IQCH: variants seen among roughly 807,000 people sequenced by gnomAD.
The protein encoded by IQCH is IQ motif containing H.
Under a neutral mutation model 117.0 loss-of-function variants are expected in IQCH, and 98 were observed. The observed-to-expected ratio is 0.84, with a 90% CI of 0.71 to 0.99. The LOEUF (loss-of-function observed/expected upper bound fraction) is 0.99. Ranked by LOEUF, IQCH falls within the 50% of genes least tolerant of loss-of-function variation. IQCH has a pLI of 0.00. For missense variants in IQCH, 1,102 were observed against 1,243.8 expected (o/e 0.89, Z 1.72); for synonymous variants, 412 against 448.2 (o/e 0.92, Z 1.02).
In IQCH at chr15:67,411,757, C is replaced by T. The variant is rs1159104609; in HGVS notation, c.2098-5174C>T. On this transcript the variant is annotated intron_variant, in intron 14 of 20. Transcript: ENST00000335894. This position sits in a 1 kb window ranked among gnomAD's most constrained non-coding sequence, Gnocchi z 4.4. Reference sequence around the variant, plus strand: ...TGAGTGCAGTATTAAGCTTTAGTCACTAGCTTTAGTCATTGAGTGCAATGG... The same window carrying T: ...TGAGTGCAGTATTAAGCTTTAGTCATTAGCTTTAGTCATTGAGTGCAATGG... 6.6e-6 allele frequency among the ~76,000 whole-genome samples: 1 copy of T among 152,192 alleles called. No individual in the cohort carries two copies. Among genetic ancestry groups the T allele is most frequent in the Non-Finnish European group, 1.5e-5 (1 of 68,034 alleles).
intron 4 of IQCH, chr15:67,281,565 G>C (rs889384321): frequency 2.6e-6 from 1 of 380,102 alleles, no homozygotes; most frequent in Middle Eastern, 9.5e-4. Context: ...CCTTCAGAGA[G>C]AATAGATGGC....
chr15:67,383,216 T>C (rs1007223470), intron 10 of IQCH, among the ~76,000 whole-genome samples: 1 of 152,224 alleles, frequency 6.6e-6, no homozygotes, highest in African/African-American at 2.4e-5. Flanking sequence ...TTCATGTCTG[T>C]AACTGCATGT....
In IQCH at chr15:67,359,681, G is replaced by A. The variant is rs1463103449; in HGVS notation, c.715-166G>A. ...CAAACAGAGCATCGTTGTCAGTGTG[G>A]GAAAGGTCTTTCTAATTATTAGCTC... On this transcript the variant is annotated intron_variant, in intron 7 of 20. Transcript: ENST00000335894. The surrounding 1 kb of genome is among the most constrained non-coding windows in gnomAD (Gnocchi z 4.5). 6.6e-6 allele frequency among the ~76,000 whole-genome samples: 1 copy of A among 152,214 alleles called. No homozygotes were observed. Among genetic ancestry groups the A allele is most frequent in the Admixed American group, 6.5e-5 (1 of 15,284 alleles).
chr15:67,414,165 A>G (rs2081517290), intron 14 of IQCH, among the ~76,000 whole-genome samples: 1 of 152,172 alleles, frequency 6.6e-6, no homozygotes, highest in East Asian at 1.9e-4. Context: ...GGAGGAACCC[A>G]TTGAGAGGTT....
chr15:67,258,415 C>G (rs1965320073), intron 1 of IQCH, among the ~76,000 whole-genome samples: 1 of 150,930 alleles, frequency 6.6e-6, no homozygotes. Flanking sequence ...CTTATAATCC[C>G]AGCTACTCAG....
rs575795568 is a variant in IQCH, at chr15:67,373,279, A to C, written c.1306-88A>C. ...AATTAATATAATTTATGCCTGGCTT[A>C]ACTGTACAGTGGAAAAACAGCTGAA... On this transcript the variant is annotated intron_variant, in intron 9 of 20. Transcript: ENST00000335894. 81 of 793,114 alleles carry C rather than the reference A, an allele frequency of 1.0e-4. No individual in the cohort carries two copies. The African/African-American group carries it at 1.3e-3, about 12-fold the overall frequency. The allele number at this position is 793,114 out of a possible 1,614,324, so 49.1% of individuals were successfully genotyped here. A position where few individuals can be genotyped will look rare whatever the true frequency, so the allele number is the denominator to read the frequency against.
intron 6 of IQCH, among the ~76,000 whole-genome samples, chr15:67,350,674 C>A (rs899253867): frequency 2.0e-5 from 3 of 152,248 alleles, no homozygotes; most frequent in African/African-American, 7.2e-5. Context: ...GATCCACTCG[C>A]CTAGGCCTCC....
intron 8 of IQCH, among the ~76,000 whole-genome samples, chr15:67,363,233 T>TG (rs1359095732): frequency 2.2e-5 from 3 of 133,350 alleles, no homozygotes; most frequent in African/African-American, 8.5e-5. Context: ...ACACAAATCT[T>TG]GATTTTTTTT....
chr15:67,338,239 C>CTATCTATT (rs1555455392), intron 5 of IQCH, among the ~76,000 whole-genome samples: 4 of 149,842 alleles, frequency 2.7e-5, no homozygotes, highest in Admixed American at 6.8e-5. Flanking sequence ...ATCTATCTAT[C>CTATCTATT]TATCTATCTG....
rs918627924 is a variant in IQCH at position 67,493,015 on chromosome 15, C to A, written c.2862-1243C>A. 1.3e-5 allele frequency among the ~76,000 whole-genome samples: 2 copies of A among 152,180 alleles called. No individual in the cohort carries two copies. The highest frequency in any genetic ancestry group is 4.1e-4 in the South Asian group (2 of 4,828). On this transcript the variant is annotated intron_variant, in intron 19 of 20. Coordinates refer to ENST00000335894, the MANE Select transcript of IQCH (RefSeq NM_001031715.3). This position sits in a 1 kb window ranked among gnomAD's most constrained non-coding sequence, Gnocchi z 5.1. ...GTACCTGAGATTTCAGGCAAGGATG[C>A]CTTGACCTGCAGGCTAGTTTCAATG...
intron 4 of IQCH, among the ~76,000 whole-genome samples, chr15:67,302,945 G>A (rs956524438): frequency 5.3e-5 from 8 of 152,142 alleles, no homozygotes; most frequent in South Asian, 4.1e-4. Flanking sequence ...TTACCTAAAC[G>A]TATCTATGCT....
rs1356447214 is a variant in IQCH at position 67,472,938 on chromosome 15, C to T, written c.2677-2758C>T. On this transcript the variant is annotated intron_variant, in intron 17 of 20. Coordinates refer to ENST00000335894, the MANE Select transcript of IQCH (RefSeq NM_001031715.3). This position sits in a 1 kb window ranked among gnomAD's most constrained non-coding sequence, Gnocchi z 4.3. Reference sequence around the variant, plus strand: ...AGAAGAAACCTCAGGGTAGCCTGCCCTTACATGTTGTCTAGTAATCATGTA... The same window carrying T: ...AGAAGAAACCTCAGGGTAGCCTGCCTTTACATGTTGTCTAGTAATCATGTA... 6.6e-6 allele frequency among the ~76,000 whole-genome samples: 1 copy of T among 152,164 alleles called. No individual in the cohort carries two copies. The highest frequency in any genetic ancestry group is 6.5e-5 in the Admixed American group (1 of 15,280).
intron 4 of IQCH, among the ~76,000 whole-genome samples, chr15:67,282,546 C>G (rs1485385078): frequency 1.3e-5 from 2 of 152,134 alleles, no homozygotes; most frequent in African/African-American, 4.8e-5. Flanking sequence ...TGTTGTATAT[C>G]TAATATGTGT....
rs1335618450 is a variant in IQCH, at chr15:67,411,070, T to C, written c.2098-5861T>C. 6.6e-6 allele frequency among the ~76,000 whole-genome samples: 1 copy of C among 152,092 alleles called. No individual in the cohort carries two copies. The highest frequency in any genetic ancestry group is 1.5e-5 in the Non-Finnish European group (1 of 68,014). On this transcript the variant is annotated intron_variant, in intron 14 of 20. Coordinates refer to ENST00000335894, the MANE Select transcript of IQCH (RefSeq NM_001031715.3). The surrounding 1 kb of genome is among the most constrained non-coding windows in gnomAD (Gnocchi z 4.4). ...CTACCATATGGTGAGCTTTTAATTATTAAAAGCTTTTAGGATTTTAATAAA... is the reference window on the plus strand; with the variant it reads ...CTACCATATGGTGAGCTTTTAATTACTAAAAGCTTTTAGGATTTTAATAAA...
rs1304071134 is a variant in IQCH at position 67,494,632 on chromosome 15, T to G, written c.2970+266T>G. ...CTCCTAAGATAGCAGATCTTTCTGA[T>G]GTTGGACGTGAGTCTGAAATGTCAC... On this transcript the variant is annotated intron_variant, in intron 20 of 20. Transcript: ENST00000335894. The surrounding 1 kb of genome is among the most constrained non-coding windows in gnomAD (Gnocchi z 5.5). 6.6e-6 allele frequency among the ~76,000 whole-genome samples: 1 copy of G among 152,250 alleles called. No homozygotes were observed.
chr15:67,373,202 A>G (rs536284604), intron 9 of IQCH, among the ~76,000 whole-genome samples, 165 bp from the exon 10 acceptor site: 2 of 152,296 alleles, frequency 1.3e-5, no homozygotes, highest in Non-Finnish European at 2.9e-5. Context: ...AGCATCATGT[A>G]GCCACCTAAT....
At chr15:67,289,185 C>T (rs1305190968) in intron 4 of IQCH, among the ~76,000 whole-genome samples, 1 of 152,072 alleles carries the variant, frequency 6.6e-6, no homozygotes, top group Admixed American at 6.6e-5. Context: ...TTTGAATTTA[C>T]ATTAGTGACA....
At position 67,337,023 on chromosome 15, in the gene IQCH, G is replaced by A. The variant is rs1232103845; in HGVS notation, c.436G>A (p.Val146Ile). ...IKGSNISSLTVLPSSHCTDPY... is the reference protein window; with the variant it reads ...IKGSNISSLTILPSSHCTDPY... ...AGGGTCTAACATATCCAGCCTCACG[G>A]TTCTGCCATCTTCTCATTGCACAGA... The change falls in exon 5 of 21, where the codon GTT becomes ATT. Residue 146 changes from valine (V) to isoleucine (I), a missense_variant. Around this residue, in one of 2 missense-constraint regions of IQCH, gnomAD observed 452 missense variants for 449.6 expected, o/e 1.01. Coordinates refer to ENST00000335894, the MANE Select transcript of IQCH (RefSeq NM_001031715.3). 6.2e-7 allele frequency: 1 copy of A among 1,613,696 alleles called. No homozygotes were observed. The highest frequency in any genetic ancestry group is 1.7e-5 in the Admixed American group (1 of 59,962).
In IQCH at chr15:67,432,484, G is replaced by GT. The variant is rs2082041388; in HGVS notation, c.2505+10914dup. Among the ~76,000 whole-genome samples the GT allele has an allele frequency of 1.3e-5, 2 of 152,260 alleles. No individual in the cohort carries two copies. The highest frequency in any genetic ancestry group is 2.1e-4 in the South Asian group (1 of 4,818). On this transcript the variant is annotated intron_variant, in intron 16 of 20. Coordinates refer to ENST00000335894, the MANE Select transcript of IQCH (RefSeq NM_001031715.3). The surrounding 1 kb of genome is among the most constrained non-coding windows in gnomAD (Gnocchi z 5.0). Reference sequence around the variant, plus strand: ...AATTCACTTGACCAATCTGAGCCTTGTTTTTTTGTTATCAACTGGTAAATT... The same window carrying GT: ...AATTCACTTGACCAATCTGAGCCTTGTTTTTTTTGTTATCAACTGGTAAATT...
Sources: gnomAD v4.1 joint callset for allele counts (sites outside exome capture counted in the v4.1 genomes callset) on GRCh38, gnomAD v4.1.1 for gene constraint, gnomAD v4.1.1 regional missense constraint, Gnocchi (gnomAD v3.1) non-coding constraint, MANE v1.5 for transcripts, NCBI Gene and HGNC (gene_info 2026-07-23, HGNC 2026-07-21) for gene names.